The following WWOX variants were observed in gnomAD, a reference collection of about 807,000 sequenced individuals.
WWOX encodes WW domain-containing oxidoreductase.
In WWOX, 69 loss-of-function variants were observed where a neutral mutation model predicts 46.2. The ratio of observed to expected loss-of-function variants is 1.49; its 90% CI spans 1.23 to 1.82. The LOEUF is 1.82. WWOX is among the 40% of genes most tolerant of loss of function. WWOX has a pLI of 0.00. For missense variants in WWOX, 919 were observed against 542.6 expected, an observed-to-expected ratio of 1.69 and a Z score of -6.89; for synonymous variants, 359 against 202.6, an observed-to-expected ratio of 1.77 and a Z score of -6.56.
intron 8 of WWOX, among the ~76,000 whole-genome samples, chr16:79,199,140 G>A (rs376279086): frequency 2.6e-5 from 4 of 152,270 alleles, no homozygotes; most frequent in South Asian, 2.1e-4. Context: ...TTGGCTCACT[G>A]CAACCTCTGC....
intron 8 of WWOX, among the ~76,000 whole-genome samples, chr16:79,181,161 T>C (rs540548669): frequency 6.6e-6 from 1 of 152,354 alleles, no homozygotes; most frequent in South Asian, 2.1e-4. Flanking sequence ...AGATTATACA[T>C]GCACTATAGG....
intron 5 of WWOX, among the ~76,000 whole-genome samples, chr16:78,282,269 C>T (rs529096597): frequency 2.0e-5 from 3 of 152,130 alleles, no homozygotes; most frequent in East Asian, 1.9e-4. Flanking sequence ...TAGCTTCTAC[C>T]GTCAATCTGC....
intron 8 of WWOX, among the ~76,000 whole-genome samples, chr16:78,561,600 GA>G (rs986656109): frequency 3.2e-4 from 45 of 142,428 alleles, no homozygotes; most frequent in Admixed American, 1.5e-3. Context: ...TTGAATAACA[GA>G]AAAAAAAAAG....
At chr16:78,881,579 T>G (rs2044344728) in intron 8 of WWOX, among the ~76,000 whole-genome samples, 1 of 152,322 alleles carries the variant, frequency 6.6e-6, no homozygotes, top group South Asian at 2.1e-4. Context: ...CTGTCTAGCT[T>G]TAAGATCAAG....
intron 5 of WWOX, among the ~76,000 whole-genome samples, chr16:78,246,257 C>T (rs781441636): frequency 3.3e-5 from 5 of 152,100 alleles, no homozygotes; most frequent in African/African-American, 4.8e-5. Context: ...AATCATGTAC[C>T]GTGAAACCAA....
chr16:79,130,743 G>A (rs1040133373), intron 8 of WWOX, among the ~76,000 whole-genome samples: 4 of 152,170 alleles, frequency 2.6e-5, no homozygotes, highest in African/African-American at 4.8e-5. Context: ...ACTTGTAATC[G>A]CCACAATGTA....
At chr16:78,228,108 T>G (rs1186095073) in intron 5 of WWOX, among the ~76,000 whole-genome samples, 1 of 152,088 alleles carries the variant, frequency 6.6e-6, no homozygotes, top group Non-Finnish European at 1.5e-5. Flanking sequence ...ACAAATGCCT[T>G]GATGTCTCTT....
intron 8 of WWOX, among the ~76,000 whole-genome samples, chr16:79,152,134 T>C (rs531508996): frequency 3.9e-5 from 6 of 152,340 alleles, no homozygotes; most frequent in East Asian, 3.9e-4. Flanking sequence ...GTAAAAGATA[T>C]CGATTTTGTT....
chr16:79,062,237 C>T (rs1164090096), intron 8 of WWOX, among the ~76,000 whole-genome samples: 1 of 152,116 alleles, frequency 6.6e-6, no homozygotes, highest in Admixed American at 6.5e-5. Context: ...AGTTTAAAAC[C>T]ATAATGGGAC....
chr16:78,245,615 C>T (rs1227808855), intron 5 of WWOX, among the ~76,000 whole-genome samples: 1 of 152,098 alleles, frequency 6.6e-6, no homozygotes, highest in Non-Finnish European at 1.5e-5. Flanking sequence ...ATTTTAAAGT[C>T]GAGTGAATTT....
intron 8 of WWOX, among the ~76,000 whole-genome samples, chr16:78,698,543 A>G (rs2048147430): frequency 6.6e-6 from 1 of 152,186 alleles, no homozygotes; most frequent in African/African-American, 2.4e-5. Context: ...ATAATGTTTC[A>G]TCTCATTTTT....
At position 78,342,318 on chromosome 16, in the gene WWOX, A is replaced by G. The variant is rs1188949404; in HGVS notation, c.517-44542A>G. Among the ~76,000 whole-genome samples the G allele has an allele frequency of 1.7e-5, 2 of 120,714 alleles. 1 individual carries two copies. The highest frequency in any genetic ancestry group is 4.0e-5 in the Non-Finnish European group (2 of 50,556). The allele number at this position is 120,714 out of a possible 152,430, so 79.2% of individuals were successfully genotyped here. A position where few individuals can be genotyped will look rare whatever the true frequency, so the allele number is the denominator to read the frequency against. On this transcript the variant is annotated intron_variant, in intron 5 of 8. Transcript: ENST00000566780. ...TTCCTTTCATTACATATCCAGTGTGAGTTGGCTGGAAGGTCCACCCTACAC... is the reference window on the plus strand; with the variant it reads ...TTCCTTTCATTACATATCCAGTGTGGGTTGGCTGGAAGGTCCACCCTACAC...
At chr16:78,101,518 G>T (rs922794195) in intron 1 of WWOX, among the ~76,000 whole-genome samples, 1 of 151,662 alleles carries the variant, frequency 6.6e-6, no homozygotes, top group Non-Finnish European at 1.5e-5. Context: ...GGCTAATTTC[G>T]CGCTGTTGGC....
intron 8 of WWOX, among the ~76,000 whole-genome samples, chr16:78,543,240 G>T (rs1038916352): frequency 6.6e-6 from 1 of 152,178 alleles, no homozygotes; most frequent in African/African-American, 2.4e-5. Flanking sequence ...GCAATTAAAT[G>T]GTTTGGTCTG....
chr16:79,083,478 C>T (rs1040544862), intron 8 of WWOX, among the ~76,000 whole-genome samples: 16 of 152,262 alleles, frequency 1.1e-4, no homozygotes, highest in Middle Eastern at 3.4e-3. Context: ...TTGGAGGTAT[C>T]GGCTGTTGCA....
At chr16:78,105,932 G>C (rs200791823) in intron 1 of WWOX, among the ~76,000 whole-genome samples, 1 of 152,178 alleles carries the variant, frequency 6.6e-6, no homozygotes, top group East Asian at 1.9e-4. Flanking sequence ...CACTCAAGTA[G>C]CTGGGATTAC....
At chr16:79,160,445 C>A (rs1273396959) in intron 8 of WWOX, among the ~76,000 whole-genome samples, 1 of 152,086 alleles carries the variant, frequency 6.6e-6, no homozygotes, top group Non-Finnish European at 1.5e-5. Flanking sequence ...ATCTGTAAAA[C>A]AGAGATCAGA....
At chr16:78,127,272 C>T (rs182285200) in intron 4 of WWOX, among the ~76,000 whole-genome samples, 63 of 152,124 alleles carry the variant, frequency 4.1e-4, no homozygotes, top group Non-Finnish European at 7.2e-4. Context: ...CGTTTAATAA[C>T]GTGTAGCCAT....
intron 6 of WWOX, among the ~76,000 whole-genome samples, chr16:78,392,928 C>G (rs2082207546): frequency 6.6e-6 from 1 of 152,028 alleles, no homozygotes; most frequent in South Asian, 2.1e-4. Context: ...CCCAGGAAGC[C>G]TCAGCCTGCT....
Sources: allele counts gnomAD v4.1 joint callset (sites outside exome capture counted in the v4.1 genomes callset), GRCh38; gene constraint gnomAD v4.1.1; transcripts MANE v1.5; gene names NCBI Gene and HGNC (gene_info 2026-07-23, HGNC 2026-07-21).